Variants in SHISA9 observed in about 807,000 individuals in gnomAD.
SHISA9 encodes shisa family member 9, also known as protein shisa-9.
A neutral mutation model predicts 38.0 loss-of-function variants in SHISA9; 13 were observed. That is an observed-to-expected ratio of 0.34 (90% CI 0.22 to 0.54). SHISA9 has a LOEUF of 0.54. Among genes scored for constraint, SHISA9 ranks in the 20% least tolerant of loss-of-function variants. The probability of loss-of-function intolerance (pLI) is 0.91; values close to 1 mark genes in which losing one functional copy is unlikely to be tolerated. For missense variants in SHISA9, 538 were observed against 575.8 expected (o/e 0.93, Z 0.67); for synonymous variants, 275 against 242.0 (o/e 1.14, Z -1.27).
chr16:12,953,376 G>A (rs2071785757), intron 2 of SHISA9, among the ~76,000 whole-genome samples: 1 of 152,124 alleles, frequency 6.6e-6, no homozygotes, highest in Non-Finnish European at 1.5e-5. Flanking sequence ...GAGCCCATTT[G>A]GTAGATGAGA....
intron 2 of SHISA9, among the ~76,000 whole-genome samples, chr16:12,996,148 T>C (rs905995889): frequency 3.9e-5 from 6 of 152,208 alleles, no homozygotes; most frequent in African/African-American, 7.2e-5. Context: ...CAACCAAAAG[T>C]TGCAAATTGG....
chr16:13,107,730 A>T (rs1158094556), intron 2 of SHISA9, among the ~76,000 whole-genome samples: 1 of 152,106 alleles, frequency 6.6e-6, no homozygotes, highest in South Asian at 2.1e-4. Context: ...AACTGTCATG[A>T]GAATAGATTG....
chr16:13,062,430 G>C (rs2073386944), intron 2 of SHISA9, among the ~76,000 whole-genome samples: 1 of 152,154 alleles, frequency 6.6e-6, no homozygotes, highest in Admixed American at 6.6e-5. Context: ...GTGTGACCTA[G>C]AGCAGATTGC....
chr16:13,250,888 C>G, the SHISA9 span, among the ~76,000 whole-genome samples: 10 of 152,200 alleles, frequency 6.6e-5, 1 homozygote, highest in Admixed American at 6.5e-4. Context: ...TTCAGATGCT[C>G]TGTGGGCTCA....
intron 2 of SHISA9, among the ~76,000 whole-genome samples, chr16:13,168,899 A>T (rs1039729189): frequency 3.9e-5 from 6 of 152,238 alleles, no homozygotes; most frequent in African/African-American, 1.4e-4. Flanking sequence ...CGACATGAGA[A>T]CTGGAGACAG....
chr16:12,950,914 ATTT>A (rs955071205), intron 2 of SHISA9, among the ~76,000 whole-genome samples: 1 of 135,720 alleles, frequency 7.4e-6, no homozygotes, highest in Admixed American at 8.0e-5. Flanking sequence ...GGCCCTTTTA[ATTT>A]TTTTTTTTTT....
chr16:13,249,507 G>T, the SHISA9 span, among the ~76,000 whole-genome samples: 1 of 152,136 alleles, frequency 6.6e-6, no homozygotes, highest in Admixed American at 6.5e-5. Flanking sequence ...TGTGAAACAG[G>T]GATAAGCATT....
At chr16:13,370,244 T>A in the SHISA9 span, among the ~76,000 whole-genome samples, 1 of 152,154 alleles carries the variant, frequency 6.6e-6, no homozygotes, top group Non-Finnish European at 1.5e-5. Flanking sequence ...CAGGTTGCCT[T>A]ACATGCTGTG....
chr16:13,173,178 CAT>C, intron 2 of SHISA9, among the ~76,000 whole-genome samples: 1 of 148,594 alleles, frequency 6.7e-6, no homozygotes. Context: ...CACACACACA[CAT>C]TCATTCTCAC....
intron 2 of SHISA9, among the ~76,000 whole-genome samples, chr16:13,121,236 C>T (rs2050207320): frequency 6.6e-6 from 1 of 152,170 alleles, no homozygotes; most frequent in Non-Finnish European, 1.5e-5. Flanking sequence ...CGCCCGTAAT[C>T]ACAGCACTTT....
chr16:13,104,698 T>C (rs772870393), intron 2 of SHISA9, among the ~76,000 whole-genome samples: 1 of 150,002 alleles, frequency 6.7e-6, no homozygotes, highest in Non-Finnish European at 1.5e-5. Context: ...GGGGTGGGGA[T>C]GGAGGTGAAG....
the SHISA9 span, among the ~76,000 whole-genome samples, chr16:13,380,719 T>C: frequency 2.0e-5 from 3 of 152,198 alleles, no homozygotes; most frequent in Non-Finnish European, 4.4e-5. Context: ...ATTTGCAGAA[T>C]GTACAGTTTT....
At chr16:13,491,818 CTTTTTTTTTTTTTTTTTTTT>C in the SHISA9 span, among the ~76,000 whole-genome samples, 89 of 44,552 alleles carry the variant, frequency 2.0e-3, no homozygotes, top group African/African-American at 6.8e-3. Flanking sequence ...ATTTATTGAC[CTTTTTTTTTTTTTTTTTTTT>C]TTTTTTTTTT....
At chr16:13,268,983 A>C in the SHISA9 span, among the ~76,000 whole-genome samples, 1 of 152,182 alleles carries the variant, frequency 6.6e-6, no homozygotes, top group Non-Finnish European at 1.5e-5. Context: ...ACAAGCTGTG[A>C]TCAAATGGTG....
the SHISA9 span, among the ~76,000 whole-genome samples, chr16:13,263,650 G>C: frequency 1.3e-5 from 2 of 152,128 alleles, no homozygotes; most frequent in African/African-American, 4.8e-5. Context: ...CCAGTCTCTG[G>C]CATTTCTTTA....
At chr16:13,433,432 T>C in the SHISA9 span, among the ~76,000 whole-genome samples, 10 of 152,400 alleles carry the variant, frequency 6.6e-5, no homozygotes, top group East Asian at 1.7e-3. Flanking sequence ...GTGTTAGTTA[T>C]AATTGCTATT....
the SHISA9 span, among the ~76,000 whole-genome samples, chr16:13,372,559 C>T: frequency 1.3e-5 from 2 of 152,240 alleles, no homozygotes; most frequent in African/African-American, 4.8e-5. Flanking sequence ...GGATGTGGGC[C>T]GCATTGCTGA....
intron 3 of SHISA9, among the ~76,000 whole-genome samples, chr16:13,211,826 C>A (rs1395582659): frequency 2.0e-5 from 3 of 152,162 alleles, no homozygotes; most frequent in African/African-American, 7.2e-5. Context: ...AGATGGCTTC[C>A]CTGGAGTCAG....
chr16:13,118,682 C>G (rs907534958), intron 2 of SHISA9, among the ~76,000 whole-genome samples: 1 of 151,796 alleles, frequency 6.6e-6, no homozygotes, highest in African/African-American at 2.4e-5. Flanking sequence ...CCTTAGTACA[C>G]TAAAGTCTAC....
Sources: allele counts gnomAD v4.1 joint callset (sites outside exome capture counted in the v4.1 genomes callset), GRCh38; gene constraint gnomAD v4.1.1; transcripts MANE v1.5; gene names NCBI Gene and HGNC (gene_info 2026-07-23, HGNC 2026-07-21).